UBE2U: variants seen among roughly 807,000 people sequenced by gnomAD.
UBE2U encodes the protein ubiquitin conjugating enzyme E2 U, also known as ubiquitin-conjugating enzyme E2 U.
UBE2U carries 39 observed loss-of-function variants against 41.2 expected under a neutral mutation model. The ratio of observed to expected loss-of-function variants is 0.95; its 90% CI spans 0.73 to 1.24. UBE2U has a LOEUF of 1.24. Among genes scored for constraint, UBE2U ranks in the 50% most tolerant of loss-of-function variants. The pLI is 0.00. For synonymous variants in UBE2U, 107 were observed against 117.8 expected, an observed-to-expected ratio of 0.91 and a Z score of 0.60; for missense variants, 336 against 363.1, an observed-to-expected ratio of 0.93 and a Z score of 0.61.
At chr1:64,238,680 T>C (rs576507747) in intron 7 of UBE2U, among the ~76,000 whole-genome samples, 15 of 152,038 alleles carry the variant, frequency 9.9e-5, no homozygotes, top group Non-Finnish European at 1.8e-4. Context: ...ACTATTCAGT[T>C]AAAAATTTTT....
intron 7 of UBE2U, among the ~76,000 whole-genome samples, chr1:64,239,876 T>A (rs958714777): frequency 1.3e-5 from 2 of 152,114 alleles, no homozygotes; most frequent in Non-Finnish European, 2.9e-5. Context: ...TCCTTTGGGG[T>A]ATACACCCAG....
intron 7 of UBE2U, among the ~76,000 whole-genome samples, chr1:64,241,234 A>T (rs1644829635): frequency 6.6e-6 from 1 of 152,122 alleles, no homozygotes; most frequent in South Asian, 2.1e-4. Flanking sequence ...TCTTCTTTTG[A>T]AAAAACTGAT....
chr1:64,239,186 A>AGAG (rs1557731595), intron 7 of UBE2U, among the ~76,000 whole-genome samples: 4 of 146,988 alleles, frequency 2.7e-5, no homozygotes, highest in Admixed American at 6.8e-5. Flanking sequence ...AAGAAGAAGA[A>AGAG]GAAGAAAGCC....
chr1:64,204,956 G>A (rs950508225), intron 1 of UBE2U, among the ~76,000 whole-genome samples: 8 of 152,138 alleles, frequency 5.3e-5, no homozygotes, highest in African/African-American at 1.9e-4. Flanking sequence ...TGCTCATCCT[G>A]AGCTCTGTAG....
chr1:64,221,020 T>C (rs900556472), intron 6 of UBE2U, 113 bp downstream of exon 6: 1 of 662,900 alleles, frequency 1.5e-6, no homozygotes. Context: ...TAGAAACATC[T>C]TATAATATCT....
chr1:64,215,051 G>A, intron 5 of UBE2U, 119 bp downstream of exon 5: 1 of 662,920 alleles, frequency 1.5e-6, no homozygotes, highest in East Asian at 2.8e-5. Flanking sequence ...TGACCAACAT[G>A]GAGAAACCCT....
At chr1:64,239,157 A>AAAGAAGAAAGAAGAAG (rs1644771041) in intron 7 of UBE2U, among the ~76,000 whole-genome samples, 1 of 37,064 alleles carries the variant, frequency 2.7e-5, no homozygotes, top group African/African-American at 8.5e-5. Flanking sequence ...GAAGAAGAAG[A>AAAGAAGAAAGAAGAAG]AAGAAGAAGA....
intron 6 of UBE2U, among the ~76,000 whole-genome samples, chr1:64,221,263 C>A (rs996120780): frequency 3.9e-5 from 6 of 152,086 alleles, no homozygotes; most frequent in Admixed American, 3.3e-4. Flanking sequence ...AGGCACCTTC[C>A]ACCACACCCG....
intron 9 of UBE2U, among the ~76,000 whole-genome samples, chr1:64,265,723 C>T (rs570199879): frequency 4.6e-5 from 7 of 152,130 alleles, no homozygotes; most frequent in African/African-American, 1.7e-4. Context: ...AGATTACAGG[C>T]TCCTGCCACC....
At chr1:64,210,627 TAG>T in intron 3 of UBE2U, 113 bp from the exon 4 acceptor site, 3 of 660,054 alleles carry the variant, frequency 4.5e-6, no homozygotes, top group Non-Finnish European at 7.0e-6. Context: ...AGAGAAGAAC[TAG>T]GAAAAAGGAA....
chr1:64,209,224 C>T (rs368477868), intron 3 of UBE2U, among the ~76,000 whole-genome samples: 20 of 152,192 alleles, frequency 1.3e-4, no homozygotes, highest in African/African-American at 4.8e-4. Flanking sequence ...GGGGGAGGTA[C>T]TCTTATCCCC....
chr1:64,215,130 C>G (rs1651914139), intron 5 of UBE2U, among the ~76,000 whole-genome samples, 198 bp downstream of exon 5: 1 of 152,110 alleles, frequency 6.6e-6, no homozygotes, highest in South Asian at 2.1e-4. Flanking sequence ...ACTCGGGAGC[C>G]TGAGGCAGGA....
At chr1:64,255,055 C>A (rs1645068566) in intron 8 of UBE2U, among the ~76,000 whole-genome samples, 1 of 151,918 alleles carries the variant, frequency 6.6e-6, no homozygotes, top group African/African-American at 2.4e-5. Flanking sequence ...AGAGTAGAAT[C>A]AAATAAACAC....
intron 1 of UBE2U, 44 bp downstream of exon 1, chr1:64,204,160 A>G (rs1651145894): frequency 6.3e-7 from 1 of 1,575,526 alleles, no homozygotes. Context: ...TTGTGCAATA[A>G]TTTTTAAGAG....
intron 8 of UBE2U, among the ~76,000 whole-genome samples, chr1:64,252,127 C>T (rs796375324): frequency 1.9e-4 from 29 of 152,332 alleles, no homozygotes; most frequent in African/African-American, 5.8e-4. Context: ...AACACACCTG[C>T]TTTGCCAGAC....
intron 6 of UBE2U, among the ~76,000 whole-genome samples, chr1:64,232,151 A>C (rs1644579704): frequency 6.6e-6 from 1 of 152,236 alleles, no homozygotes; most frequent in South Asian, 2.1e-4. Flanking sequence ...CATTATAAGA[A>C]ATAAGGGTTT....
intron 7 of UBE2U, among the ~76,000 whole-genome samples, chr1:64,232,967 A>T (rs1412059452): frequency 6.6e-6 from 1 of 151,762 alleles, no homozygotes; most frequent in Non-Finnish European, 1.5e-5. Flanking sequence ...AGTAGCTAGG[A>T]TTATAGGCAA....
At chr1:64,241,560 G>C (rs825189) in intron 7 of UBE2U, 92 bp from the exon 8 acceptor site, 561,440 of 880,676 alleles carry the variant, frequency 0.64, 180,339 homozygotes, top group South Asian at 0.74. Context: ...CACATATCAA[G>C]TTAATGAGAA....
Position 64,239,160 on chromosome 1 carries a change from GAAGAAGAAGAAGAAGAAGAAGAA to G in UBE2U, c.596-2491_596-2469del, listed in dbSNP as rs1557731106. Among the ~76,000 whole-genome samples, 364 of 70,846 alleles carry G rather than the reference GAAGAAGAAGAAGAAGAAGAAGAA, an allele frequency of 5.1e-3. 4 individuals are homozygous for G. The highest frequency in any genetic ancestry group is 0.011 in the African/African-American group (203 of 17,960). The allele number at this position is 70,846 out of a possible 152,430, so 46.5% of individuals were successfully genotyped here. A position where few individuals can be genotyped will look rare whatever the true frequency, so the allele number is the denominator to read the frequency against. On this transcript the variant is annotated intron_variant, in intron 7 of 9. Transcript: ENST00000371077. ...GAAGAAGAAGAAGAAGAAGAAGAAA[GAAGAAGAAGAAGAAGAAGAAGAA>G]GAAGAAGAAAGCCCCAGACAAGGAC...
Sources: allele counts gnomAD v4.1 joint callset (sites outside exome capture counted in the v4.1 genomes callset), GRCh38; gene constraint gnomAD v4.1.1; transcripts MANE v1.5; gene names NCBI Gene and HGNC (gene_info 2026-07-23, HGNC 2026-07-21).